Variants in CDH18 observed in about 807,000 individuals in gnomAD.
CDH18 encodes cadherin-18.
A neutral mutation model predicts 67.9 loss-of-function variants in CDH18; 31 were observed. That is an observed-to-expected ratio of 0.46 (90% CI 0.34 to 0.62). The LOEUF is 0.62. Among genes scored for constraint, CDH18 ranks in the 20% least tolerant of loss-of-function variants. The pLI, the probability that CDH18 is intolerant of heterozygous loss-of-function variation, is 0.01. For synonymous variants in CDH18, 362 were observed against 347.2 expected, an observed-to-expected ratio of 1.04 and a Z score of -0.48; for missense variants, 890 against 975.5, an observed-to-expected ratio of 0.91 and a Z score of 1.17.
Position 19,590,785 on chromosome 5 carries a change from G to A in CDH18, c.999+272C>T, listed in dbSNP as rs537400715. 6.6e-5 allele frequency among the ~76,000 whole-genome samples: 10 copies of A among 152,134 alleles called. 1 individual carries two copies. The South Asian group carries it at 2.1e-3, about 32-fold the overall frequency. The stretch of plus-strand genomic sequence containing the variant: ...TGACTATTAACATTGGGACATTTCA[G>A]GAAGATTAGAGCAGAGACAAAATGA... On this transcript the variant is annotated intron_variant, in intron 7 of 12. Transcript: ENST00000382275.
chr5:20,021,816 T>C (rs1392101927), intron 2 of CDH18, among the ~76,000 whole-genome samples: 1 of 152,182 alleles, frequency 6.6e-6, no homozygotes, highest in African/African-American at 2.4e-5. Flanking sequence ...CTAACACACA[T>C]GTAATCTCTA....
chr5:19,775,212 C>CT (rs1561275143), intron 3 of CDH18, among the ~76,000 whole-genome samples: 1 of 152,166 alleles, frequency 6.6e-6, no homozygotes, highest in Non-Finnish European at 1.5e-5. Context: ...AATATTTACG[C>CT]TACTAGCTCG....
intron 5 of CDH18, among the ~76,000 whole-genome samples, chr5:19,690,701 C>T (rs1335395085): frequency 1.3e-5 from 2 of 151,636 alleles, no homozygotes; most frequent in East Asian, 1.9e-4. Flanking sequence ...AATTTCTGGA[C>T]ACATACAACC....
intron 6 of CDH18, among the ~76,000 whole-genome samples, chr5:19,607,863 CTA>C (rs1748313623): frequency 6.6e-6 from 1 of 151,386 alleles, no homozygotes; most frequent in African/African-American, 2.4e-5. Flanking sequence ...TCTGGAATAG[CTA>C]TAGGAGACAA....
At chr5:20,238,111 T>G (rs1397087321) in intron 2 of CDH18, among the ~76,000 whole-genome samples, 2 of 151,874 alleles carry the variant, frequency 1.3e-5, no homozygotes, top group Non-Finnish European at 2.9e-5. Flanking sequence ...TCTTGAACCT[T>G]ACAAAAATTA....
chr5:19,834,465 A>C (rs1004614792), intron 3 of CDH18, among the ~76,000 whole-genome samples: 1 of 150,756 alleles, frequency 6.6e-6, no homozygotes, highest in Non-Finnish European at 1.5e-5. Flanking sequence ...AATTTTTTTC[A>C]AAAAAAACAG....
At chr5:19,865,226 G>A (rs1324658806) in intron 2 of CDH18, among the ~76,000 whole-genome samples, 1 of 152,048 alleles carries the variant, frequency 6.6e-6, no homozygotes, top group East Asian at 1.9e-4. Context: ...TTATTTGGAA[G>A]AATAAATGAG....
intron 2 of CDH18, among the ~76,000 whole-genome samples, chr5:20,105,784 T>A (rs902166268): frequency 6.6e-6 from 1 of 152,242 alleles, no homozygotes; most frequent in Non-Finnish European, 1.5e-5. Flanking sequence ...TTCCATTGTA[T>A]GCATATGCTA....
intron 5 of CDH18, among the ~76,000 whole-genome samples, chr5:19,615,196 T>C (rs1352584334): frequency 6.6e-6 from 1 of 151,438 alleles, no homozygotes; most frequent in Non-Finnish European, 1.5e-5. Context: ...ATGGCCCAGC[T>C]GCATGTGCTT....
At chr5:19,608,193 T>C (rs1357930675) in intron 6 of CDH18, among the ~76,000 whole-genome samples, 6 of 151,710 alleles carry the variant, frequency 4.0e-5, no homozygotes, top group Admixed American at 6.6e-5. Context: ...GCTGCAGAAT[T>C]TATCTTATTT....
intron 1 of CDH18, among the ~76,000 whole-genome samples, chr5:20,501,036 A>G (rs1311612223): frequency 6.6e-6 from 1 of 152,144 alleles, no homozygotes; most frequent in Non-Finnish European, 1.5e-5. Context: ...CAAATATTCT[A>G]AAGACTTTGG....
chr5:20,482,672 C>T (rs902148361), intron 1 of CDH18, among the ~76,000 whole-genome samples: 1 of 151,944 alleles, frequency 6.6e-6, no homozygotes, highest in African/African-American at 2.4e-5. Flanking sequence ...AGGACAAAAA[C>T]CATATGATAA....
intron 6 of CDH18, among the ~76,000 whole-genome samples, chr5:19,594,685 C>G (rs1229395590): frequency 6.6e-6 from 1 of 152,094 alleles, no homozygotes. Flanking sequence ...TGTTTTGCTT[C>G]TTCAGGGCCT....
intron 1 of CDH18, among the ~76,000 whole-genome samples, chr5:20,533,562 G>GAAT (rs985590647): frequency 3.9e-5 from 6 of 151,996 alleles, no homozygotes; most frequent in Non-Finnish European, 5.9e-5. Flanking sequence ...TGAATAGAAG[G>GAAT]AATAAAGTTG....
intron 2 of CDH18, among the ~76,000 whole-genome samples, chr5:19,994,157 G>A (rs983407333): frequency 2.0e-5 from 3 of 151,938 alleles, no homozygotes; most frequent in East Asian, 1.9e-4. Flanking sequence ...GTGACAAAAC[G>A]GTATCAGCTT....
At chr5:19,579,715 T>C (rs945019604) in intron 7 of CDH18, among the ~76,000 whole-genome samples, 1 of 151,840 alleles carries the variant, frequency 6.6e-6, no homozygotes, top group Non-Finnish European at 1.5e-5. Context: ...AAACTTACAA[T>C]CCTATGTTCT....
intron 6 of CDH18, among the ~76,000 whole-genome samples, chr5:19,593,709 T>TCCTCCTCCTCCTTCTTCC (rs70950076): frequency 0.65 from 71,627 of 111,034 alleles, 25,374 homozygotes; most frequent in East Asian, 0.79. Flanking sequence ...CTCCTCCTCC[T>TCCTCCTCCTCCTTCTTCC]TCTTCTTCTT....
chr5:19,752,043 T>TTGAATC (rs1159406851), intron 3 of CDH18, among the ~76,000 whole-genome samples: 1 of 152,136 alleles, frequency 6.6e-6, no homozygotes, highest in Non-Finnish European at 1.5e-5. Context: ...GGGAGATCCG[T>TTGAATC]TGCCCTTGAA....
chr5:19,611,165 A>T (rs962145244), intron 6 of CDH18, among the ~76,000 whole-genome samples: 4 of 152,148 alleles, frequency 2.6e-5, no homozygotes, highest in East Asian at 1.9e-4. Flanking sequence ...GTGGAAGGGG[A>T]TCTATGTACC....
Sources: gnomAD v4.1 joint callset for allele counts (sites outside exome capture counted in the v4.1 genomes callset) on GRCh38, gnomAD v4.1.1 for gene constraint, MANE v1.5 for transcripts, NCBI Gene and HGNC (gene_info 2026-07-23, HGNC 2026-07-21) for gene names.